The following PCDHA6 variants were observed in gnomAD, a reference collection of about 807,000 sequenced individuals.
PCDHA6 encodes protocadherin alpha-6.
In PCDHA6, 55 loss-of-function variants were observed where a neutral mutation model predicts 60.3. That is an observed-to-expected ratio of 0.91 (90% CI 0.73 to 1.14). The LOEUF (loss-of-function observed/expected upper bound fraction) is 1.14, where lower values mean the gene tolerates loss of function less well. PCDHA6 is among the 50% of genes most tolerant of loss of function. PCDHA6 has a pLI of 0.00. For synonymous variants in PCDHA6, 652 were observed against 557.9 expected, an observed-to-expected ratio of 1.17 and a Z score of -2.38; for missense variants, 1,327 against 1,256.5, an observed-to-expected ratio of 1.06 and a Z score of -0.85.
chr5:140,934,912 T>C (rs534779508), intron 1 of PCDHA6, among the ~76,000 whole-genome samples: 1 of 152,318 alleles, frequency 6.6e-6, no homozygotes, highest in Admixed American at 6.5e-5. Context: ...GGAATAATTA[T>C]GGATTCACAT....
chr5:140,983,207 T>A (rs999147697), intron 3 of PCDHA6, among the ~76,000 whole-genome samples: 1 of 152,236 alleles, frequency 6.6e-6, no homozygotes, highest in Non-Finnish European at 1.5e-5. Flanking sequence ...TAATAGGGAC[T>A]ATTTCCTAAT....
At chr5:140,870,100 T>G in intron 1 of PCDHA6, 3 of 1,613,914 alleles carry the variant, frequency 1.9e-6, no homozygotes, top group Non-Finnish European at 2.5e-6. Context: ...GGCAGGTCAC[T>G]GTACAGTCTG....
At chr5:140,985,075 C>G (rs1477852280) in intron 3 of PCDHA6, among the ~76,000 whole-genome samples, 2 of 151,968 alleles carry the variant, frequency 1.3e-5, no homozygotes, top group Non-Finnish European at 2.9e-5. Context: ...GTAGCTGAGA[C>G]TACAGGCGTG....
Position 140,967,117 on chromosome 5 carries a change from C to T in PCDHA6, c.2395-11832C>T, listed in dbSNP as rs370329233. 7.4e-6 allele frequency: 12 copies of T among 1,612,904 alleles called. No individual in the cohort carries two copies. The East Asian group carries it at 1.6e-4, about 21-fold the overall frequency. On this transcript the variant is annotated intron_variant, in intron 1 of 3. Coordinates refer to ENST00000529310, the MANE Select transcript of PCDHA6 (RefSeq NM_018909.4). ...CGCTGTGTGAGCAGCGGCCTCGCTG[C>T]CTGCTCAGCTTGGAAGTGCTGGCGC...
At chr5:140,889,733 A>T (rs192682337) in intron 1 of PCDHA6, among the ~76,000 whole-genome samples, 1 of 152,316 alleles carries the variant, frequency 6.6e-6, no homozygotes, top group Admixed American at 6.5e-5. Context: ...CTCACTGAGT[A>T]GCAGAGTCTA....
At chr5:140,843,153 T>A (rs2150353928) in intron 1 of PCDHA6, 80,196 of 1,595,968 alleles carry the variant, frequency 0.05, 9,743 homozygotes, top group Non-Finnish European at 0.06. Flanking sequence ...TCGTATGAGC[T>A]GCAGCCAGCT....
At chr5:140,994,125 C>T (rs1007264886) in intron 3 of PCDHA6, among the ~76,000 whole-genome samples, 6 of 152,044 alleles carry the variant, frequency 3.9e-5, no homozygotes, top group African/African-American at 9.7e-5. Flanking sequence ...GTGATAAGGG[C>T]GACAATAATG....
intron 1 of PCDHA6, among the ~76,000 whole-genome samples, chr5:140,905,926 A>G (rs1040903041): frequency 6.6e-6 from 1 of 152,318 alleles, no homozygotes; most frequent in East Asian, 1.9e-4. Flanking sequence ...TCTGAGTCCC[A>G]AAGCTGAAGA....
intron 1 of PCDHA6, chr5:140,836,747 T>A: frequency 1.9e-6 from 3 of 1,587,224 alleles, no homozygotes; most frequent in Non-Finnish European, 2.6e-6. Flanking sequence ...ATGTGAGTCA[T>A]AAATAATCTT....
intron 1 of PCDHA6, among the ~76,000 whole-genome samples, chr5:140,940,389 AT>A (rs2092602183): frequency 1.3e-5 from 2 of 151,932 alleles, no homozygotes; most frequent in Admixed American, 6.6e-5. Flanking sequence ...AATTTTGGTT[AT>A]TGTGTTTTTC....
chr5:140,934,688 A>G (rs1554210048), intron 1 of PCDHA6, among the ~76,000 whole-genome samples: 2 of 152,186 alleles, frequency 1.3e-5, no homozygotes, highest in African/African-American at 4.8e-5. Flanking sequence ...CAAAACAATG[A>G]ATTGATTCCT....
chr5:140,948,349 T>C (rs1262551459), intron 1 of PCDHA6, among the ~76,000 whole-genome samples: 2 of 151,624 alleles, frequency 1.3e-5, no homozygotes, highest in African/African-American at 4.8e-5. Context: ...ATTTCTAACC[T>C]AATAAAATGA....
chr5:140,927,257 C>T, intron 1 of PCDHA6: 1 of 1,614,152 alleles, frequency 6.2e-7, no homozygotes, highest in Non-Finnish European at 8.5e-7. Flanking sequence ...GACAACTCAC[C>T]TCTCTTTCCT....
chr5:140,883,835 T>C (rs782244088), intron 1 of PCDHA6: 10 of 1,612,448 alleles, frequency 6.2e-6, no homozygotes, highest in East Asian at 4.5e-5. Flanking sequence ...GCTGCAGCCG[T>C]TGGACCACGA....
intron 1 of PCDHA6, among the ~76,000 whole-genome samples, chr5:140,891,064 A>T (rs1442139760): frequency 6.6e-6 from 1 of 152,206 alleles, no homozygotes; most frequent in East Asian, 1.9e-4. Flanking sequence ...AGTAAATATT[A>T]TTCCAGTGTC....
rs781871079 is a variant in PCDHA6, at chr5:140,857,427, C to T, written c.2394+26942C>T. 3 of 1,598,334 alleles carry T rather than the reference C, an allele frequency of 1.9e-6. No individual in the cohort carries two copies. In the East Asian group the frequency reaches 6.7e-5, roughly 36 times the overall value. ...CCTGCGTTCGCGCAGTCCGAGTACA[C>T]GGTGTTCGTGAAGGAGAACAACCCG... On this transcript the variant is annotated intron_variant, in intron 1 of 3. Coordinates refer to ENST00000529310, the MANE Select transcript of PCDHA6 (RefSeq NM_018909.4).
intron 1 of PCDHA6, among the ~76,000 whole-genome samples, chr5:140,837,994 C>CA (rs1554136741): frequency 6.6e-6 from 1 of 150,494 alleles, no homozygotes; most frequent in Non-Finnish European, 1.5e-5. Context: ...TTCATCTTTC[C>CA]TTTTTTTTAA....
rs533343357 is a variant in PCDHA6, at chr5:140,856,093, C to G, written c.2394+25608C>G. 1.3e-6 allele frequency: 2 copies of G among 1,597,146 alleles called. 1 individual carries two copies. Among genetic ancestry groups the G allele is most frequent in the Non-Finnish European group, 1.7e-6 (2 of 1,166,952 alleles). On this transcript the variant is annotated intron_variant, in intron 1 of 3. Transcript: ENST00000529310. ...GCCTGGGGGTCCAGTGTCTGCTGCT[C>G]TCGCTTCTTCTCCTCGCAGCCTGGG... is the stretch of plus-strand genomic sequence containing the variant.
intron 1 of PCDHA6, among the ~76,000 whole-genome samples, chr5:140,898,221 T>C (rs1238265746): frequency 6.6e-6 from 1 of 152,230 alleles, no homozygotes; most frequent in South Asian, 2.1e-4. Flanking sequence ...ATTTTGGCTT[T>C]TGTTGCCATT....
Sources: allele counts gnomAD v4.1 joint callset (sites outside exome capture counted in the v4.1 genomes callset), GRCh38; gene constraint gnomAD v4.1.1; transcripts MANE v1.5; gene names NCBI Gene and HGNC (gene_info 2026-07-23, HGNC 2026-07-21).